The following CNTNAP2 variants were observed in gnomAD, a reference collection of about 807,000 sequenced individuals.
CNTNAP2 encodes the protein contactin associated protein 2.
A neutral mutation model predicts 155.2 loss-of-function variants in CNTNAP2; 98 were observed. That is an observed-to-expected ratio of 0.63 (90% CI 0.54 to 0.75). The LOEUF (loss-of-function observed/expected upper bound fraction) is 0.75, where lower values mean the gene tolerates loss of function less well. Ranked by LOEUF, CNTNAP2 falls within the 30% of genes least tolerant of loss-of-function variation. The pLI, the probability that CNTNAP2 is intolerant of heterozygous loss-of-function variation, is 0.00. For synonymous variants in CNTNAP2, 651 were observed against 631.2 expected (o/e 1.03, Z -0.47); for missense variants, 1,727 against 1,688.1 (o/e 1.02, Z -0.40).
chr7:146,474,298 AT>A (rs1394447226), intron 1 of CNTNAP2, among the ~76,000 whole-genome samples: 2 of 149,046 alleles, frequency 1.3e-5, no homozygotes, highest in African/African-American at 4.9e-5. Context: ...TAATATAAAT[AT>A]AAATATATAT....
intron 8 of CNTNAP2, among the ~76,000 whole-genome samples, chr7:147,232,491 C>G (rs2116620275): frequency 6.6e-6 from 1 of 152,210 alleles, no homozygotes; most frequent in Non-Finnish European, 1.5e-5. Context: ...AGCACAGACA[C>G]AGAAATACAA....
At chr7:146,453,409 T>C (rs372411467) in intron 1 of CNTNAP2, among the ~76,000 whole-genome samples, 1 of 152,150 alleles carries the variant, frequency 6.6e-6, no homozygotes, top group Non-Finnish European at 1.5e-5. Flanking sequence ...CTAACAACTT[T>C]CAAGCAAGAC....
chr7:146,968,318 G>T (rs111584471), intron 3 of CNTNAP2, among the ~76,000 whole-genome samples: 4 of 152,030 alleles, frequency 2.6e-5, no homozygotes, highest in South Asian at 4.2e-4. Flanking sequence ...GATAATGCTG[G>T]CCTCATAAAA....
chr7:146,479,540 T>G (rs982083179), intron 1 of CNTNAP2, among the ~76,000 whole-genome samples: 22 of 152,074 alleles, frequency 1.4e-4, no homozygotes, highest in African/African-American at 5.3e-4. Context: ...ATTATTCTTA[T>G]GCTAAAAAGC....
chr7:146,533,213 A>C (rs1797796845), intron 1 of CNTNAP2, among the ~76,000 whole-genome samples: 3 of 151,966 alleles, frequency 2.0e-5, no homozygotes, highest in African/African-American at 7.2e-5. Context: ...CAAATGACCA[A>C]GTGAACACCT....
intron 13 of CNTNAP2, among the ~76,000 whole-genome samples, chr7:147,719,922 A>G (rs987282831): frequency 6.6e-6 from 1 of 151,874 alleles, no homozygotes; most frequent in African/African-American, 2.4e-5. Context: ...TACTTTCTCT[A>G]TTCCCATCAT....
chr7:148,165,857 A>G (rs1264902333), intron 17 of CNTNAP2, among the ~76,000 whole-genome samples: 1 of 152,100 alleles, frequency 6.6e-6, no homozygotes, highest in Non-Finnish European at 1.5e-5. Flanking sequence ...TCATTTTACA[A>G]ATGGCTTTCC....
At chr7:148,254,542 C>T (rs775482058) in intron 20 of CNTNAP2, among the ~76,000 whole-genome samples, 4 of 151,984 alleles carry the variant, frequency 2.6e-5, no homozygotes, top group Admixed American at 1.3e-4. Context: ...TTTGGGAGGC[C>T]GAGGTGGGCA....
At chr7:148,159,403 G>T (rs1805473341) in intron 17 of CNTNAP2, among the ~76,000 whole-genome samples, 1 of 151,836 alleles carries the variant, frequency 6.6e-6, no homozygotes, top group South Asian at 2.1e-4. Context: ...GCTTTATATG[G>T]GTGGCATTGT....
At chr7:147,101,394 T>C (rs1800649360) in intron 4 of CNTNAP2, among the ~76,000 whole-genome samples, 1 of 152,196 alleles carries the variant, frequency 6.6e-6, no homozygotes, top group South Asian at 2.1e-4. Context: ...GCAGGTGAGC[T>C]GGAGCGAGCG....
At chr7:148,202,607 G>A (rs552421507) in intron 18 of CNTNAP2, among the ~76,000 whole-genome samples, 169 of 152,216 alleles carry the variant, frequency 1.1e-3, no homozygotes, top group African/African-American at 3.6e-3. Flanking sequence ...TCTACAAAGG[G>A]GAAAAAGCTG....
chr7:147,855,805 CA>C (rs1283746829), intron 13 of CNTNAP2, among the ~76,000 whole-genome samples: 1 of 152,096 alleles, frequency 6.6e-6, no homozygotes, highest in Admixed American at 6.5e-5. Context: ...CCCAGCCCTG[CA>C]AAAAACTTAT....
chr7:147,124,060 C>A (rs1242247285), intron 6 of CNTNAP2, among the ~76,000 whole-genome samples: 3 of 151,914 alleles, frequency 2.0e-5, no homozygotes, highest in Non-Finnish European at 4.4e-5. Flanking sequence ...AAACAAAAAA[C>A]AAACAAACAC....
chr7:147,769,270 A>G (rs1457898077), intron 13 of CNTNAP2, among the ~76,000 whole-genome samples: 1 of 152,106 alleles, frequency 6.6e-6, no homozygotes, highest in African/African-American at 2.4e-5. Context: ...CCAAAAGGTC[A>G]TTTTTAAAGA....
intron 13 of CNTNAP2, among the ~76,000 whole-genome samples, chr7:147,702,435 C>G (rs573191961): frequency 6.6e-6 from 1 of 151,862 alleles, no homozygotes; most frequent in East Asian, 1.9e-4. Flanking sequence ...GACCAAAAAT[C>G]TTGATGTGTA....
intron 3 of CNTNAP2, among the ~76,000 whole-genome samples, chr7:146,878,825 T>TC (rs1470879987): frequency 2.4e-4 from 36 of 152,204 alleles, no homozygotes; most frequent in African/African-American, 8.4e-4. Flanking sequence ...CCCTCTCCAC[T>TC]CCCCATTGAA....
intron 13 of CNTNAP2, among the ~76,000 whole-genome samples, chr7:147,796,624 A>G (rs564805754): frequency 6.6e-6 from 1 of 152,286 alleles, no homozygotes; most frequent in African/African-American, 2.4e-5. Context: ...ATTATCCATA[A>G]CAAGGAATAC....
intron 13 of CNTNAP2, among the ~76,000 whole-genome samples, chr7:147,867,408 ATC>A (rs1456558330): frequency 6.6e-6 from 1 of 152,112 alleles, no homozygotes; most frequent in Non-Finnish European, 1.5e-5. Context: ...ACCTTGGTGA[ATC>A]TGACGGTTAT....
intron 3 of CNTNAP2, among the ~76,000 whole-genome samples, chr7:146,925,520 T>C (rs895884667): frequency 1.3e-5 from 2 of 152,224 alleles, no homozygotes; most frequent in South Asian, 4.1e-4. Flanking sequence ...CATTTGTTAA[T>C]TATGTTGTTA....
Sources: gnomAD v4.1 joint callset for allele counts (sites outside exome capture counted in the v4.1 genomes callset) on GRCh38, gnomAD v4.1.1 for gene constraint, MANE v1.5 for transcripts, NCBI Gene and HGNC (gene_info 2026-07-23, HGNC 2026-07-21) for gene names.